The following LINGO2 variants were observed in gnomAD, a reference collection of about 807,000 sequenced individuals.
LINGO2 encodes the protein leucine rich repeat and Ig domain containing 2.
LINGO2 carries 14 observed loss-of-function variants against 30.6 expected under a neutral mutation model. That is an observed-to-expected ratio of 0.46 (90% CI 0.30 to 0.72). The LOEUF is 0.72. Ranked by LOEUF, LINGO2 falls within the 30% of genes least tolerant of loss-of-function variation. The probability of loss-of-function intolerance (pLI) is 0.07; values close to 1 mark genes in which losing one functional copy is unlikely to be tolerated. For synonymous variants in LINGO2, 317 were observed against 288.5 expected, an observed-to-expected ratio of 1.10 and a Z score of -1.00; for missense variants, 729 against 751.7, an observed-to-expected ratio of 0.97 and a Z score of 0.35.
At chr9:29,045,470 T>C in the LINGO2 span, among the ~76,000 whole-genome samples, 1 of 152,140 alleles carries the variant, frequency 6.6e-6, no homozygotes, top group South Asian at 2.1e-4. Context: ...ATATTTTCTA[T>C]AGTGTGCTAC....
At chr9:28,228,968 T>C (rs1821264346) in intron 4 of LINGO2, among the ~76,000 whole-genome samples, 1 of 151,792 alleles carries the variant, frequency 6.6e-6, no homozygotes, top group Non-Finnish European at 1.5e-5. Flanking sequence ...CCATAATTTC[T>C]AGAATGCCAG....
chr9:29,100,400 C>T, the LINGO2 span, among the ~76,000 whole-genome samples: 24,302 of 151,834 alleles, frequency 0.16, 2,060 homozygotes, highest in East Asian at 0.34. Context: ...TCAAGACCAG[C>T]CTGGCCAACA....
At chr9:28,798,196 C>A in the LINGO2 span, among the ~76,000 whole-genome samples, 1 of 151,650 alleles carries the variant, frequency 6.6e-6, no homozygotes. Context: ...GTTAAAGGGA[C>A]GATTTGGGCC....
intron 4 of LINGO2, among the ~76,000 whole-genome samples, chr9:28,231,667 T>C (rs940947016): frequency 2.0e-5 from 3 of 152,068 alleles, no homozygotes; most frequent in Admixed American, 2.0e-4. Context: ...ATAGTAAAAC[T>C]CTGTTATTTA....
the LINGO2 span, among the ~76,000 whole-genome samples, chr9:28,739,120 A>AT: frequency 6.6e-6 from 1 of 151,942 alleles, no homozygotes; most frequent in South Asian, 2.1e-4. Flanking sequence ...GAAATTTATT[A>AT]TTTTTTACTT....
chr9:29,149,130 C>T, the LINGO2 span, among the ~76,000 whole-genome samples: 1 of 152,146 alleles, frequency 6.6e-6, no homozygotes, highest in East Asian at 1.9e-4. Flanking sequence ...GTAAAGTTCA[C>T]TAATACAAGC....
chr9:29,111,082 T>C, the LINGO2 span, among the ~76,000 whole-genome samples: 1 of 152,200 alleles, frequency 6.6e-6, no homozygotes, highest in African/African-American at 2.4e-5. Context: ...AGGGGTCCTA[T>C]TTAAAGGAAC....
At chr9:28,339,801 A>G (rs1825708121) in intron 3 of LINGO2, among the ~76,000 whole-genome samples, 1 of 152,162 alleles carries the variant, frequency 6.6e-6, no homozygotes, top group Non-Finnish European at 1.5e-5. Context: ...TTAGAACTTC[A>G]TTCCTACAGG....
At chr9:28,960,839 T>G in the LINGO2 span, among the ~76,000 whole-genome samples, 1 of 149,366 alleles carries the variant, frequency 6.7e-6, no homozygotes, top group South Asian at 2.1e-4. Context: ...TTGAAAAAAA[T>G]CAAGTAAATT....
chr9:28,723,445 A>G, the LINGO2 span, among the ~76,000 whole-genome samples: 3 of 152,140 alleles, frequency 2.0e-5, no homozygotes, highest in Non-Finnish European at 2.9e-5. Context: ...ATTAGAAACT[A>G]CTGCTTCAAG....
chr9:28,981,247 G>A, the LINGO2 span, among the ~76,000 whole-genome samples: 2 of 152,168 alleles, frequency 1.3e-5, no homozygotes, highest in East Asian at 3.9e-4. Flanking sequence ...AAGAATCTGG[G>A]ATCAGTAATG....
chr9:28,854,500 T>C, the LINGO2 span, among the ~76,000 whole-genome samples: 1 of 151,882 alleles, frequency 6.6e-6, no homozygotes, highest in Non-Finnish European at 1.5e-5. Flanking sequence ...AAACAGAAAA[T>C]CACTGATTGA....
chr9:28,435,671 A>C (rs1180189079), intron 2 of LINGO2, among the ~76,000 whole-genome samples: 2 of 152,202 alleles, frequency 1.3e-5, no homozygotes, highest in East Asian at 1.9e-4. Context: ...CCTGATGGCT[A>C]GGATTAGAAT....
intron 4 of LINGO2, among the ~76,000 whole-genome samples, chr9:28,223,959 T>C (rs1004117530): frequency 3.3e-5 from 5 of 152,234 alleles, no homozygotes; most frequent in Non-Finnish European, 7.3e-5. Flanking sequence ...AGTAATTATA[T>C]TGACTGGGTT....
intron 1 of LINGO2, among the ~76,000 whole-genome samples, chr9:28,639,489 T>A (rs1827463623): frequency 2.0e-5 from 3 of 152,174 alleles, no homozygotes; most frequent in East Asian, 3.9e-4. Flanking sequence ...ACTTGCTTTA[T>A]GAATCTGGGT....
intron 1 of LINGO2, among the ~76,000 whole-genome samples, chr9:28,668,144 G>A (rs912405777): frequency 6.6e-6 from 1 of 151,946 alleles, no homozygotes; most frequent in African/African-American, 2.4e-5. Flanking sequence ...AGAAAATAAA[G>A]ACCTTTATTT....
At chr9:28,164,961 G>A (rs558783271) in intron 4 of LINGO2, among the ~76,000 whole-genome samples, 1 of 152,290 alleles carries the variant, frequency 6.6e-6, no homozygotes, top group African/African-American at 2.4e-5. Flanking sequence ...TTCCACTTGA[G>A]CATGACTACA....
chr9:28,321,097 A>G (rs1825025000), intron 3 of LINGO2, among the ~76,000 whole-genome samples: 1 of 152,144 alleles, frequency 6.6e-6, no homozygotes, highest in South Asian at 2.1e-4. Context: ...AATCACATTC[A>G]TTCTCACCCT....
At chr9:27,949,564 G>T (rs777531806) in exon 6 of LINGO2, 1 of 1,614,104 alleles carries the variant, frequency 6.2e-7, no homozygotes, top group Non-Finnish European at 8.5e-7. Flanking sequence ...AGGGTGGGCT[G>T]TCGCTGCAAG....
Sources: gnomAD v4.1 joint callset for allele counts (sites outside exome capture counted in the v4.1 genomes callset) on GRCh38, gnomAD v4.1.1 for gene constraint, MANE v1.5 for transcripts, NCBI Gene and HGNC (gene_info 2026-07-23, HGNC 2026-07-21) for gene names.